Variants in ITGA9 observed in about 807,000 individuals in gnomAD.
ITGA9 encodes the protein integrin alpha-9.
A neutral mutation model predicts 127.8 loss-of-function variants in ITGA9; 56 were observed. The ratio of observed to expected loss-of-function variants is 0.44; its 90% CI spans 0.35 to 0.55. The LOEUF (loss-of-function observed/expected upper bound fraction) is 0.55, where lower values mean the gene tolerates loss of function less well. Among genes scored for constraint, ITGA9 ranks in the 20% least tolerant of loss-of-function variants. The pLI is 0.00. For missense variants in ITGA9, 1,196 were observed against 1,347.1 expected, an observed-to-expected ratio of 0.89 and a Z score of 1.76; for synonymous variants, 508 against 514.5, an observed-to-expected ratio of 0.99 and a Z score of 0.17.
At chr3:37,580,099 A>C (rs1288133866) in intron 15 of ITGA9, among the ~76,000 whole-genome samples, 1 of 152,244 alleles carries the variant, frequency 6.6e-6, no homozygotes, top group African/African-American at 2.4e-5. Context: ...GATATTAGGA[A>C]AACAAGACAG....
intron 19 of ITGA9, among the ~76,000 whole-genome samples, chr3:37,733,465 G>A (rs778854693): frequency 5.6e-5 from 7 of 125,674 alleles, no homozygotes; most frequent in Admixed American, 2.0e-4. Context: ...GTCTGCCTTT[G>A]GAAATGGAAG....
intron 17 of ITGA9, among the ~76,000 whole-genome samples, chr3:37,655,315 T>G (rs1321500637): frequency 6.6e-6 from 1 of 152,208 alleles, no homozygotes; most frequent in Non-Finnish European, 1.5e-5. Context: ...CCACCAACAG[T>G]GTAAAAGCAT....
At chr3:37,626,319 G>T (rs909774595) in intron 15 of ITGA9, among the ~76,000 whole-genome samples, 1 of 152,108 alleles carries the variant, frequency 6.6e-6, no homozygotes. Context: ...CTTTGGGATG[G>T]AGGGACATTT....
Position 37,629,532 on chromosome 3 carries a change from G to C in ITGA9, c.1839+196G>C. On this transcript the variant is annotated intron_variant, in intron 16 of 27. Transcript: ENST00000264741. This position sits in a 1 kb window ranked among gnomAD's most constrained non-coding sequence, Gnocchi z 4.5. The stretch of plus-strand genomic sequence containing the variant: ...GTCTTAGGGGTTACTTGTGACTACT[G>C]TGGGACTTAAACACTTTCAGACAAT... 1.5e-6 allele frequency: 1 copy of C among 671,380 alleles called. No homozygotes were observed. The highest frequency in any genetic ancestry group is 1.6e-5 in the South Asian group (1 of 60,922). The allele number at this position is 671,380 out of a possible 1,614,324, so 41.6% of individuals were successfully genotyped here. A position where few individuals can be genotyped will look rare whatever the true frequency, so the allele number is the denominator to read the frequency against.
intron 18 of ITGA9, among the ~76,000 whole-genome samples, chr3:37,731,214 T>TTTTA (rs1011812981): frequency 2.0e-5 from 3 of 152,096 alleles, no homozygotes; most frequent in Non-Finnish European, 4.4e-5. Flanking sequence ...GGAATCTGCA[T>TTTTA]TTTATTTATT....
At chr3:37,519,102 TTCCCGCTGAGG>T (rs1699018084) in intron 10 of ITGA9, among the ~76,000 whole-genome samples, 147 bp from the exon 11 acceptor site, 1 of 144,796 alleles carries the variant, frequency 6.9e-6, no homozygotes, top group African/African-American at 2.8e-5. Flanking sequence ...TTTTTTTTTT[TTCCCGCTGAGG>T]GATCTTGTCC....
intron 23 of ITGA9, among the ~76,000 whole-genome samples, chr3:37,766,057 C>T (rs1269812036): frequency 6.6e-6 from 1 of 152,236 alleles, no homozygotes; most frequent in African/African-American, 2.4e-5. Context: ...AGAGCCTTGC[C>T]ATGGCAGGGG....
Position 37,619,742 on chromosome 3 carries a change from C to T in ITGA9, c.1690-9445C>T, listed in dbSNP as rs562500295. Among the ~76,000 whole-genome samples the T allele has an allele frequency of 2.2e-3, 340 of 152,354 alleles. 1 individual carries two copies. The highest frequency in any genetic ancestry group is 7.7e-3 in the African/African-American group (321 of 41,568). On this transcript the variant is annotated intron_variant, in intron 15 of 27. Transcript: ENST00000264741. ...CAAGGTGCCAGCCAGATCTTTTATG[C>T]GGCTTGGGGTCTTGCTCCAGGCTCT...
At chr3:37,744,472 G>A (rs1351797994) in intron 22 of ITGA9, among the ~76,000 whole-genome samples, 2 of 152,232 alleles carry the variant, frequency 1.3e-5, no homozygotes, top group Admixed American at 6.5e-5. Flanking sequence ...CAGGGGAACA[G>A]CCTTTCGGAA....
chr3:37,634,107 A>T (rs914706214), intron 16 of ITGA9, among the ~76,000 whole-genome samples: 1 of 152,190 alleles, frequency 6.6e-6, no homozygotes, highest in Non-Finnish European at 1.5e-5. Flanking sequence ...AAATAAAAAT[A>T]AAAAAGCAAA....
rs560541090 is a variant in ITGA9 at position 37,499,752 on chromosome 3, T to TG, written c.613-3421dup. Among the ~76,000 whole-genome samples, 73 of 152,222 alleles carry TG rather than the reference T, an allele frequency of 4.8e-4. 1 individual carries two copies. In the East Asian group the frequency reaches 0.013, roughly 28 times the overall value. ...GCTGAAGGGAGAGGGGTGTGAGCAC[T>TG]GGGGGCGGAGTGGCGTGGTGCGGTA... On this transcript the variant is annotated intron_variant, in intron 5 of 27. Coordinates refer to ENST00000264741, the MANE Select transcript of ITGA9 (RefSeq NM_002207.3).
At chr3:37,730,340 T>C (rs901231913) in intron 18 of ITGA9, among the ~76,000 whole-genome samples, 1 of 152,182 alleles carries the variant, frequency 6.6e-6, no homozygotes, top group Non-Finnish European at 1.5e-5. Context: ...TAGGGTAGTG[T>C]CTACTTGGGA....
chr3:37,473,322 A>G (rs376961426), intron 2 of ITGA9, 32 bp from the exon 3 acceptor site: 1 of 1,581,202 alleles, frequency 6.3e-7, no homozygotes, highest in Non-Finnish European at 8.7e-7. Flanking sequence ...TCACTCCTCA[A>G]CCCAAGTCTG....
chr3:37,641,254 C>G (rs1282356633), intron 16 of ITGA9, among the ~76,000 whole-genome samples: 1 of 152,160 alleles, frequency 6.6e-6, no homozygotes, highest in Non-Finnish European at 1.5e-5. Context: ...GAACATGAAC[C>G]CTACACATGT....
intron 17 of ITGA9, among the ~76,000 whole-genome samples, chr3:37,679,891 C>T (rs962638293): frequency 6.6e-6 from 1 of 152,106 alleles, no homozygotes; most frequent in African/African-American, 2.4e-5. Context: ...GATAGACAGT[C>T]CTCAACCAAA....
At chr3:37,672,564 G>A (rs1475314736) in intron 17 of ITGA9, among the ~76,000 whole-genome samples, 3 of 152,210 alleles carry the variant, frequency 2.0e-5, no homozygotes, top group Non-Finnish European at 4.4e-5. Flanking sequence ...TAATACAGGC[G>A]GGATAGGCAC....
In ITGA9 at chr3:37,799,023, C is replaced by T. The variant is rs569774030; in HGVS notation, c.2890-4800C>T. Among the ~76,000 whole-genome samples the T allele has an allele frequency of 1.3e-5, 2 of 152,110 alleles. No individual in the cohort carries two copies. Among genetic ancestry groups the T allele is most frequent in the African/African-American group, 2.4e-5 (1 of 41,408 alleles). On this transcript the variant is annotated intron_variant, in intron 26 of 27. Transcript: ENST00000264741. The surrounding 1 kb of genome is among the most constrained non-coding windows in gnomAD (Gnocchi z 4.0). The stretch of plus-strand genomic sequence containing the variant: ...TTATCTATTGCCCTAATGTTAGACA[C>T]TTAGGATATTGCTAATTTAGTACCA...
intron 16 of ITGA9, among the ~76,000 whole-genome samples, chr3:37,652,094 A>T (rs1700434577): frequency 6.6e-6 from 1 of 151,488 alleles, no homozygotes; most frequent in South Asian, 2.1e-4. Context: ...GTGAGACCTG[A>T]GGCTTATATA....
intron 16 of ITGA9, among the ~76,000 whole-genome samples, chr3:37,651,305 A>G (rs1309246204): frequency 3.3e-5 from 5 of 152,316 alleles, no homozygotes; most frequent in Middle Eastern, 3.4e-3. Context: ...AAAGCAACCA[A>G]TTCCTCGTGA....
Sources: gnomAD v4.1 joint callset for allele counts (sites outside exome capture counted in the v4.1 genomes callset) on GRCh38, gnomAD v4.1.1 for gene constraint, Gnocchi (gnomAD v3.1) non-coding constraint, MANE v1.5 for transcripts, NCBI Gene and HGNC (gene_info 2026-07-23, HGNC 2026-07-21) for gene names.